The following HTR2C variants were observed in gnomAD, a reference collection of about 807,000 sequenced individuals.
HTR2C encodes the protein 5-hydroxytryptamine (serotonin) receptor 2C, G protein-coupled.
Under a neutral mutation model 21.0 loss-of-function variants are expected in HTR2C, and 5 were observed. The observed-to-expected ratio is 0.24, with a 90% CI of 0.12 to 0.50. HTR2C has a LOEUF of 0.50. HTR2C is among the 20% of genes least tolerant of loss of function. The pLI is 0.98. For missense variants in HTR2C, 271 were observed against 371.2 expected (o/e 0.73, Z 2.22); for synonymous variants, 150 against 145.3 (o/e 1.03, Z -0.23).
At chrX:114,708,217 C>A (rs782179456) in intron 2 of HTR2C, among the ~76,000 whole-genome samples, 1 of 111,539 alleles carries the variant, frequency 9.0e-6, no homozygotes, top group South Asian at 3.7e-4. Context: ...TTTATTTTAT[C>A]ATTTGCTAAT....
chrX:114,744,207 T>C lies in HTR2C; in HGVS notation c.349+12600T>C, dbSNP rs1271363008. Among the ~76,000 whole-genome samples the C allele has an allele frequency of 4.5e-5, 5 of 110,259 alleles. No homozygotes were observed. The Admixed American group carries it at 4.9e-4, about 11-fold the overall frequency. On this transcript the variant is annotated intron_variant, in intron 4 of 5. Transcript: ENST00000276198. Reference sequence around the variant, plus strand: ...TTGTCAATTGTATCCAGTAAAGCTGTTGTTAAAAATTGTAAGATGTAGCTA... The same window carrying C: ...TTGTCAATTGTATCCAGTAAAGCTGCTGTTAAAAATTGTAAGATGTAGCTA...
At chrX:114,746,689 A>G (rs1235978368) in intron 4 of HTR2C, among the ~76,000 whole-genome samples, 1 of 104,498 alleles carries the variant, frequency 9.6e-6, no homozygotes, top group Non-Finnish European at 2.0e-5. Flanking sequence ...CCTCAACTCT[A>G]AAAAAAAAAA....
rs1229727453 is a variant in HTR2C, at chrX:114,883,610, G to A, written c.551-22979G>A. ...CATCCAGTAAGTTTGGGTATGCTGT[G>A]TATTTATGTTTATTCACCTAAAAGT... On this transcript the variant is annotated intron_variant, in intron 5 of 5. Transcript: ENST00000276198. Among the ~76,000 whole-genome samples the A allele has an allele frequency of 2.7e-5, 3 of 109,145 alleles. No individual in the cohort carries two copies. The East Asian group carries it at 8.6e-4, about 31-fold the overall frequency. The allele number at this position is 109,145 out of a possible 115,157, so 94.8% of individuals were successfully genotyped here.
chrX:114,726,286 C>T (rs782312129), intron 2 of HTR2C, among the ~76,000 whole-genome samples: 14 of 112,458 alleles, frequency 1.2e-4, no homozygotes, highest in Middle Eastern at 4.6e-3. Flanking sequence ...TTCCAGGTGC[C>T]GTCTGTCACC....
intron 4 of HTR2C, among the ~76,000 whole-genome samples, chrX:114,803,199 C>T (rs1197562165): frequency 2.5e-4 from 24 of 95,251 alleles, no homozygotes; most frequent in Non-Finnish European, 3.8e-4. Context: ...CATACGTGTG[C>T]GTGTGTCTTT....
At position 114,727,652 on chromosome X, in the gene HTR2C, G is replaced by A. The variant is rs943819584; in HGVS notation, c.35+681G>A. 5.4e-5 allele frequency among the ~76,000 whole-genome samples: 6 copies of A among 111,879 alleles called. No homozygotes were observed. The East Asian group carries it at 1.7e-3, about 31-fold the overall frequency. On this transcript the variant is annotated intron_variant, in intron 3 of 5. Transcript: ENST00000276198. ...ATCCAAAGCAATGTAAACTCTGATT[G>A]GTATAGTTGAGAAACCCCAAATCTC...
At chrX:114,856,148 A>G (rs1168542607) in intron 5 of HTR2C, among the ~76,000 whole-genome samples, 1 of 109,531 alleles carries the variant, frequency 9.1e-6, no homozygotes, top group Admixed American at 9.9e-5. Flanking sequence ...TCAATGTACA[A>G]AAATCACAAG....
chrX:114,810,627 A>T (rs1030696947), intron 4 of HTR2C, among the ~76,000 whole-genome samples: 4 of 109,793 alleles, frequency 3.6e-5, no homozygotes, highest in African/African-American at 6.6e-5. Flanking sequence ...GACCACTGCC[A>T]GAGGATGGGG....
chrX:114,589,422 T>C (rs782069586), intron 1 of HTR2C, among the ~76,000 whole-genome samples: 6 of 111,475 alleles, frequency 5.4e-5, no homozygotes, highest in African/African-American at 1.6e-4. Context: ...CAGGCAGATG[T>C]TACTACTGTG....
intron 2 of HTR2C, among the ~76,000 whole-genome samples, chrX:114,671,359 G>A (rs1556411690): frequency 8.9e-6 from 1 of 112,045 alleles, no homozygotes. Context: ...CTTGTTTTCA[G>A]ATCCCAGATG....
chrX:114,684,496 T>A (rs1231008333), intron 2 of HTR2C, among the ~76,000 whole-genome samples: 1 of 112,085 alleles, frequency 8.9e-6, no homozygotes, highest in Non-Finnish European at 1.9e-5. Flanking sequence ...AGGTATGTAA[T>A]AATAAAAAAT....
intron 1 of HTR2C, among the ~76,000 whole-genome samples, chrX:114,587,720 G>C (rs1556390038): frequency 1.8e-5 from 2 of 111,696 alleles, no homozygotes; most frequent in South Asian, 7.4e-4. Context: ...TCTAATGTGT[G>C]CTCAAGTTAT....
At chrX:114,740,562 T>C (rs1384216461) in intron 4 of HTR2C, among the ~76,000 whole-genome samples, 3 of 111,974 alleles carry the variant, frequency 2.7e-5, no homozygotes, top group Non-Finnish European at 5.6e-5. Flanking sequence ...TTCTAAACAA[T>C]CTAAGTTCTA....
At chrX:114,774,179 T>G (rs782114205) in intron 4 of HTR2C, among the ~76,000 whole-genome samples, 1 of 111,694 alleles carries the variant, frequency 9.0e-6, no homozygotes, top group Non-Finnish European at 1.9e-5. Context: ...TTGTGTGTGT[T>G]GGTTGGAGGC....
At chrX:114,787,465 A>G (rs2070187077) in intron 4 of HTR2C, among the ~76,000 whole-genome samples, 2 of 111,798 alleles carry the variant, frequency 1.8e-5, no homozygotes, top group Admixed American at 1.9e-4. Flanking sequence ...TCTGTTGGGT[A>G]TGGAAAAAAT....
chrX:114,597,588 A>C (rs1477430369), intron 1 of HTR2C, among the ~76,000 whole-genome samples: 1 of 112,096 alleles, frequency 8.9e-6, no homozygotes, highest in Non-Finnish European at 1.9e-5. Flanking sequence ...AAAGGGCCAT[A>C]GGATATTCAT....
intron 4 of HTR2C, among the ~76,000 whole-genome samples, chrX:114,786,008 T>C (rs1414302307): frequency 9.0e-6 from 1 of 111,643 alleles, no homozygotes; most frequent in Non-Finnish European, 1.9e-5. Context: ...ACAATGCAAT[T>C]TGAGAAAAGG....
At chrX:114,868,985 T>C (rs1309727907) in intron 5 of HTR2C, among the ~76,000 whole-genome samples, 2 of 109,881 alleles carry the variant, frequency 1.8e-5, no homozygotes, top group Non-Finnish European at 3.8e-5. Flanking sequence ...ATGCTATCCC[T>C]CCCCCAGCCC....
chrX:114,813,037 G>A (rs1186631299), intron 4 of HTR2C, among the ~76,000 whole-genome samples: 1 of 111,454 alleles, frequency 9.0e-6, no homozygotes, highest in Non-Finnish European at 1.9e-5. Flanking sequence ...GGACTTTACA[G>A]TTTTGTCTAA....
Sources: gnomAD v4.1 joint callset for allele counts (sites outside exome capture counted in the v4.1 genomes callset) on GRCh38, gnomAD v4.1.1 for gene constraint, MANE v1.5 for transcripts, NCBI Gene and HGNC (gene_info 2026-07-23, HGNC 2026-07-21) for gene names.